The following CBFA2T2 variants were observed in gnomAD, a reference collection of about 807,000 sequenced individuals.
The protein encoded by CBFA2T2 is protein CBFA2T2.
In CBFA2T2, 11 loss-of-function variants were observed where a neutral mutation model predicts 62.2. The ratio of observed to expected loss-of-function variants is 0.18; its 90% CI spans 0.11 to 0.29. The LOEUF is 0.29. Ranked by LOEUF, CBFA2T2 falls within the 10% of genes least tolerant of loss-of-function variation. The pLI, the probability that CBFA2T2 is intolerant of heterozygous loss-of-function variation, is 1.00. For synonymous variants in CBFA2T2, 295 were observed against 287.5 expected (o/e 1.03, Z -0.27); for missense variants, 592 against 774.1 (o/e 0.76, Z 2.79).
chr20:33,493,068 GTT>G (rs1157324208), intron 1 of CBFA2T2, among the ~76,000 whole-genome samples: 8 of 88,078 alleles, frequency 9.1e-5, no homozygotes, highest in African/African-American at 2.2e-4. Flanking sequence ...TGAAGTTTTG[GTT>G]TTTTTTTTTT....
intron 1 of CBFA2T2, among the ~76,000 whole-genome samples, chr20:33,543,838 A>AATTT (rs987409051): frequency 2.0e-5 from 3 of 152,016 alleles, no homozygotes; most frequent in African/African-American, 4.8e-5. Context: ...TTAATTAATT[A>AATTT]ATTTATTTAT....
At chr20:33,622,268 TA>T (rs2016022354) in intron 4 of CBFA2T2, among the ~76,000 whole-genome samples, 1 of 152,214 alleles carries the variant, frequency 6.6e-6, no homozygotes, top group Admixed American at 6.5e-5. Context: ...AGTCACTAAT[TA>T]TGGTGCCTGC....
chr20:33,494,241 G>GTATATATATATATA (rs778133366), intron 1 of CBFA2T2, among the ~76,000 whole-genome samples: 17 of 41,900 alleles, frequency 4.1e-4, no homozygotes, highest in Non-Finnish European at 5.0e-4. Context: ...GCATATATAT[G>GTATATATATATATA]TGTATATATA....
chr20:33,502,160 G>C (rs537175435), intron 1 of CBFA2T2, among the ~76,000 whole-genome samples: 1 of 152,056 alleles, frequency 6.6e-6, no homozygotes, highest in Non-Finnish European at 1.5e-5. Context: ...TTGCTTATTA[G>C]TTAATATTCT....
intron 1 of CBFA2T2, chr20:33,562,366 G>A (rs573429441): frequency 3.0e-5 from 30 of 985,872 alleles, no homozygotes; most frequent in Non-Finnish European, 3.5e-5. Context: ...AAGCAGGAGG[G>A]AGGGAGAAAA....
chr20:33,494,265 A>C (rs1600893596), intron 1 of CBFA2T2, among the ~76,000 whole-genome samples: 1 of 64,644 alleles, frequency 1.5e-5, no homozygotes, highest in Non-Finnish European at 2.7e-5. Context: ...ATATATATAT[A>C]TATATATATT....
chr20:33,637,053 G>A (rs2016658087), intron 9 of CBFA2T2, among the ~76,000 whole-genome samples: 1 of 152,186 alleles, frequency 6.6e-6, no homozygotes, highest in Admixed American at 6.5e-5. Flanking sequence ...ACAGTATACT[G>A]TGTTCACACT....
chr20:33,561,586 G>GT (rs2013093356), intron 1 of CBFA2T2, among the ~76,000 whole-genome samples: 1 of 152,116 alleles, frequency 6.6e-6, no homozygotes, highest in African/African-American at 2.4e-5. Context: ...GCTCTTTGAG[G>GT]TATAAAGGAT....
intron 4 of CBFA2T2, among the ~76,000 whole-genome samples, chr20:33,621,236 TTTG>T (rs1389049955): frequency 4.6e-5 from 7 of 151,916 alleles, no homozygotes; most frequent in Admixed American, 4.6e-4. Context: ...TTTATGGAAA[TTTG>T]TTTTCTCTCT....
intron 1 of CBFA2T2, among the ~76,000 whole-genome samples, chr20:33,543,665 A>G (rs950381240): frequency 4.6e-5 from 7 of 152,146 alleles, no homozygotes; most frequent in Middle Eastern, 3.2e-3. Flanking sequence ...ATTGGAAAAA[A>G]CGGAAGCTCA....
chr20:33,528,886 C>G (rs1380657436), intron 1 of CBFA2T2, among the ~76,000 whole-genome samples: 1 of 152,216 alleles, frequency 6.6e-6, no homozygotes, highest in Non-Finnish European at 1.5e-5. Context: ...TGCCTAAGAA[C>G]CAACTTAATC....
chr20:33,531,177 A>G (rs1207018962), intron 1 of CBFA2T2, among the ~76,000 whole-genome samples: 4 of 152,204 alleles, frequency 2.6e-5, no homozygotes, highest in Non-Finnish European at 5.9e-5. Context: ...AGGGTGCAGT[A>G]CAGTGTCAGT....
chr20:33,600,145 T>C (rs2122266807), intron 1 of CBFA2T2, among the ~76,000 whole-genome samples: 1 of 146,592 alleles, frequency 6.8e-6, no homozygotes, highest in East Asian at 2.1e-4. Context: ...TGTTTCTTCC[T>C]CCATCTTTAG....
chr20:33,648,922 C>A lies in CBFA2T2; in HGVS notation c.*4276C>A, dbSNP rs1039113798. Reference sequence around the variant, plus strand: ...ACCTGCTTGCAAAGGGTATAGACATCATTCTGGGTAGTTCTAGAGGATATC... The same window carrying A: ...ACCTGCTTGCAAAGGGTATAGACATAATTCTGGGTAGTTCTAGAGGATATC... On this transcript the variant is annotated 3_prime_UTR_variant, in exon 11 of 11. Coordinates refer to ENST00000342704, the MANE Select transcript of CBFA2T2 (RefSeq NM_001032999.3). 1.3e-5 allele frequency: 2 copies of A among 152,076 alleles called. No homozygotes were observed. The highest frequency in any genetic ancestry group is 4.8e-5 in the African/African-American group (2 of 41,398). The allele number at this position is 152,076 out of a possible 1,614,324, so 9.4% of individuals were successfully genotyped here.
At chr20:33,582,688 T>C (rs1443499632) in intron 1 of CBFA2T2, among the ~76,000 whole-genome samples, 1 of 152,022 alleles carries the variant, frequency 6.6e-6, no homozygotes, top group African/African-American at 2.4e-5. Context: ...ACACCTGTAA[T>C]CCCAGCATTT....
chr20:33,514,318 G>A (rs974563835), intron 1 of CBFA2T2, among the ~76,000 whole-genome samples: 1 of 141,106 alleles, frequency 7.1e-6, no homozygotes, highest in African/African-American at 2.6e-5. Flanking sequence ...GGGTTCAAAC[G>A]ATTCTCCTGC....
intron 8 of CBFA2T2, among the ~76,000 whole-genome samples, chr20:33,636,261 A>G (rs1215653484): frequency 2.5e-4 from 37 of 148,914 alleles, no homozygotes; most frequent in African/African-American, 8.6e-4. Flanking sequence ...TCCGTCTCAA[A>G]AAAAAAAAAA....
intron 1 of CBFA2T2, among the ~76,000 whole-genome samples, chr20:33,540,102 T>A (rs2012371830): frequency 6.6e-6 from 1 of 152,202 alleles, no homozygotes; most frequent in African/African-American, 2.4e-5. Flanking sequence ...ACTTTTTAAT[T>A]TTGGCCATCA....
At chr20:33,565,210 C>T (rs1158248410) in intron 1 of CBFA2T2, among the ~76,000 whole-genome samples, 1 of 152,184 alleles carries the variant, frequency 6.6e-6, no homozygotes. Context: ...TGAGCCACTG[C>T]GCCCGGCTCC....
Sources: allele counts gnomAD v4.1 joint callset (sites outside exome capture counted in the v4.1 genomes callset), GRCh38; gene constraint gnomAD v4.1.1; transcripts MANE v1.5; gene names NCBI Gene and HGNC (gene_info 2026-07-23, HGNC 2026-07-21).